Variants in KRTAP13-3 observed in about 807,000 individuals in gnomAD.
The protein encoded by KRTAP13-3 is keratin-associated protein 13-3.
For missense variants in KRTAP13-3, 243 were observed against 202.8 expected (o/e 1.20, Z -1.20); for synonymous variants, 98 against 79.4 (o/e 1.23, Z -1.25).
chr21:30,425,596 C>T, exon 1 of KRTAP13-3: 1 of 1,614,164 alleles, frequency 6.2e-7, no homozygotes, highest in East Asian at 2.2e-5. Flanking sequence ...GGAGCAGCAG[C>T]TATTGGATCC....
exon 1 of KRTAP13-3, chr21:30,425,533 A>T (rs199507647): frequency 1.1e-5 from 17 of 1,613,976 alleles, no homozygotes; most frequent in Non-Finnish European, 1.2e-5. Context: ...CAGATATCTG[A>T]AGCCATTGGA....
exon 1 of KRTAP13-3, chr21:30,425,830 G>A: frequency 6.2e-7 from 1 of 1,614,146 alleles, no homozygotes; most frequent in South Asian, 1.1e-5. Flanking sequence ...GGGGTAGGAA[G>A]AGCCACAGGA....
In KRTAP13-3 at chr21:30,425,772, C is replaced by T. The variant is rs370710431; in HGVS notation, c.141G>A (p.Gln47=). 12 of 1,614,156 alleles carry T rather than the reference C, an allele frequency of 7.4e-6. No homozygotes were observed. The African/African-American group carries it at 1.1e-4, about 14-fold the overall frequency. ...AGCCCCTATAGAGAGAGGAACCCAG[C>T]TGGCAGGTGCTGGGAGAGCAGAGGT... The change falls in exon 1 of 1, where the codon CAG becomes CAA. Residue 47 remains glutamine (Q), a synonymous_variant. Coordinates refer to ENST00000390690, the Ensembl canonical transcript of KRTAP13-3.
chr21:30,425,899 CA>C, the KRTAP13-3 span: 1 of 1,612,540 alleles, frequency 6.2e-7, no homozygotes. Context: ...TCTAGAGCAA[CA>C]GTTGTAGGAC....
exon 1 of KRTAP13-3, chr21:30,425,864 C>G: frequency 6.2e-7 from 1 of 1,613,928 alleles, no homozygotes; most frequent in Non-Finnish European, 8.5e-7. Flanking sequence ...TGCAAGTAAC[C>G]CCCGTGGGAG....
At chr21:30,425,426 A>C in exon 1 of KRTAP13-3, 8 of 1,583,834 alleles carry the variant, frequency 5.1e-6, no homozygotes, top group Non-Finnish European at 6.9e-6. Flanking sequence ...AATGGCTGAT[A>C]ACAAGATGAA....
chr21:30,425,502 G>A (rs750574405), exon 1 of KRTAP13-3: 28 of 1,613,916 alleles, frequency 1.7e-5, no homozygotes, highest in East Asian at 4.5e-5. Context: ...TCTGGGAAGG[G>A]GAGGTATGGA....
exon 1 of KRTAP13-3, chr21:30,425,695 G>C (rs2123421375): frequency 6.2e-7 from 1 of 1,614,078 alleles, no homozygotes; most frequent in Non-Finnish European, 8.5e-7. Flanking sequence ...GCAGGGGCTG[G>C]ACTCAACACA....
exon 1 of KRTAP13-3, chr21:30,425,856 C>G (rs1362081223): frequency 1.2e-6 from 2 of 1,613,922 alleles, no homozygotes; most frequent in African/African-American, 2.7e-5. Flanking sequence ...CTGGGTAGTG[C>G]AAGTAACCCC....
exon 1 of KRTAP13-3, chr21:30,425,755 T>A: frequency 1.9e-6 from 3 of 1,614,070 alleles, no homozygotes; most frequent in South Asian, 1.1e-5. Context: ...ACAGCCCCTA[T>A]AGAGAGAGGA....
exon 1 of KRTAP13-3, chr21:30,425,658 A>G: frequency 1.9e-6 from 3 of 1,614,164 alleles, no homozygotes; most frequent in East Asian, 2.2e-5. Flanking sequence ...AGAGCATGTG[A>G]GTCCTGGGGT....
At chr21:30,425,380 A>C in exon 1 of KRTAP13-3, 1 of 1,521,894 alleles carries the variant, frequency 6.6e-7, no homozygotes, top group Non-Finnish European at 8.8e-7. Context: ...GAGTTTTACC[A>C]GTCACCACAT....
chr21:30,425,706 C>G, exon 1 of KRTAP13-3: 2 of 1,614,012 alleles, frequency 1.2e-6, no homozygotes, highest in Non-Finnish European at 1.7e-6. Flanking sequence ...ACTCAACACA[C>G]AATGTCTGAC....
exon 1 of KRTAP13-3, chr21:30,425,537 C>T (rs774078131): frequency 8.7e-6 from 14 of 1,614,078 alleles, no homozygotes; most frequent in Middle Eastern, 1.7e-4. Context: ...TATCTGAAGC[C>T]ATTGGATCCA....
chr21:30,425,883 G>A (rs973267526), exon 1 of KRTAP13-3: 2 of 1,613,570 alleles, frequency 1.2e-6, no homozygotes, highest in Non-Finnish European at 1.7e-6. Context: ...AGCAGGAGGA[G>A]AAGTTTCTAG....
exon 1 of KRTAP13-3, chr21:30,425,407 G>C (rs762526789): frequency 4.6e-5 from 72 of 1,563,912 alleles, no homozygotes; most frequent in Non-Finnish European, 5.9e-5. Flanking sequence ...GTAGAAACCA[G>C]ATCTACAGAA....
chr21:30,425,652 C>A (rs763464876), exon 1 of KRTAP13-3: 1 of 1,614,194 alleles, frequency 6.2e-7, no homozygotes. Flanking sequence ...AATTGCAGAG[C>A]ATGTGAGTCC....
chr21:30,425,452 G>A (rs769290663), exon 1 of KRTAP13-3: 1 of 1,606,254 alleles, frequency 6.2e-7, no homozygotes, highest in South Asian at 1.1e-5. Flanking sequence ...CCACCTTCTA[G>A]GTGGAAAATA....
At chr21:30,425,886 G>T (rs750331819) in exon 1 of KRTAP13-3, 5 of 1,613,522 alleles carry the variant, frequency 3.1e-6, no homozygotes, top group Non-Finnish European at 4.2e-6. Context: ...AGGAGGAGAA[G>T]TTTCTAGAGC....
Sources: gnomAD v4.1 joint callset for allele counts on GRCh38, gnomAD v4.1.1 for gene constraint, MANE v1.5 for transcripts, NCBI Gene and HGNC (gene_info 2026-07-23, HGNC 2026-07-21) for gene names.